The following PALLD variants were observed in gnomAD, a reference collection of about 807,000 sequenced individuals.
PALLD encodes the protein palladin.
Under a neutral mutation model 123.5 loss-of-function variants are expected in PALLD, and 61 were observed. That is an observed-to-expected ratio of 0.49 (90% CI 0.40 to 0.61). PALLD has a LOEUF of 0.61. Among genes scored for constraint, PALLD ranks in the 20% least tolerant of loss-of-function variants. The pLI is 0.00. For synonymous variants in PALLD, 465 were observed against 496.4 expected, an observed-to-expected ratio of 0.94 and a Z score of 0.84; for missense variants, 1,273 against 1,377.0, an observed-to-expected ratio of 0.92 and a Z score of 1.20.
intron 10 of PALLD, among the ~76,000 whole-genome samples, chr4:168,742,693 C>G (rs1241974962): frequency 2.0e-5 from 3 of 152,092 alleles, no homozygotes; most frequent in Non-Finnish European, 2.9e-5. Context: ...TTCAAAAGAT[C>G]TAGTTCGTTT....
intron 2 of PALLD, among the ~76,000 whole-genome samples, chr4:168,552,840 T>C (rs1766877942): frequency 1.3e-5 from 2 of 152,010 alleles, no homozygotes; most frequent in Non-Finnish European, 2.9e-5. Flanking sequence ...CATGACCGGC[T>C]AATTTTTTAA....
intron 10 of PALLD, among the ~76,000 whole-genome samples, chr4:168,880,283 G>A (rs1752431790): frequency 6.6e-6 from 1 of 152,176 alleles, no homozygotes; most frequent in Admixed American, 6.5e-5. Context: ...TACCACAAGA[G>A]TCCAGTCGTT....
At chr4:168,615,212 G>T (rs973100970) in intron 2 of PALLD, among the ~76,000 whole-genome samples, 3 of 150,526 alleles carry the variant, frequency 2.0e-5, no homozygotes, top group African/African-American at 4.9e-5. Flanking sequence ...TCATACAAAA[G>T]GTACTAAGAA....
intron 17 of PALLD, among the ~76,000 whole-genome samples, chr4:168,919,150 G>A (rs950344254): frequency 6.6e-6 from 1 of 152,010 alleles, no homozygotes; most frequent in Non-Finnish European, 1.5e-5. Flanking sequence ...TCCTTAAAAC[G>A]CCTGCCATTA....
intron 10 of PALLD, among the ~76,000 whole-genome samples, chr4:168,886,184 T>A (rs181054024): frequency 7.9e-5 from 12 of 152,326 alleles, no homozygotes; most frequent in Middle Eastern, 6.8e-3. Flanking sequence ...GCATAAAATC[T>A]TAATACATAG....
chr4:168,659,875 CTAAG>C (rs1778963942), intron 2 of PALLD, among the ~76,000 whole-genome samples: 1 of 152,138 alleles, frequency 6.6e-6, no homozygotes, highest in Non-Finnish European at 1.5e-5. Context: ...ATATTTCCTG[CTAAG>C]TGTTAGTATT....
At chr4:168,767,837 G>A (rs371319217) in intron 10 of PALLD, among the ~76,000 whole-genome samples, 4 of 152,160 alleles carry the variant, frequency 2.6e-5, no homozygotes, top group Middle Eastern at 3.4e-3. Context: ...ATGAGCCACC[G>A]TGCCCAGCCT....
At chr4:168,634,323 G>T (rs896599087) in intron 2 of PALLD, among the ~76,000 whole-genome samples, 1 of 152,222 alleles carries the variant, frequency 6.6e-6, no homozygotes, top group Non-Finnish European at 1.5e-5. Flanking sequence ...CTTCCCATTT[G>T]TTGGTCAGCC....
At chr4:168,657,071 C>G (rs1403658113) in intron 2 of PALLD, among the ~76,000 whole-genome samples, 2 of 152,172 alleles carry the variant, frequency 1.3e-5, no homozygotes, top group East Asian at 3.8e-4. Flanking sequence ...ATGTCACCAC[C>G]ATAGAGCCAG....
At chr4:168,845,700 TAG>T (rs1408448014) in intron 10 of PALLD, among the ~76,000 whole-genome samples, 1 of 152,196 alleles carries the variant, frequency 6.6e-6, no homozygotes, top group Admixed American at 6.5e-5. Context: ...GACAGGTTGT[TAG>T]AGTTTAAGAG....
chr4:168,902,339 G>T (rs1466000825), intron 14 of PALLD, among the ~76,000 whole-genome samples: 1 of 152,142 alleles, frequency 6.6e-6, no homozygotes, highest in African/African-American at 2.4e-5. Flanking sequence ...AAAAGGAAAG[G>T]TTTATTTGCT....
intron 2 of PALLD, among the ~76,000 whole-genome samples, chr4:168,570,569 CT>C (rs1768875948): frequency 1.3e-5 from 2 of 152,268 alleles, no homozygotes; most frequent in South Asian, 2.1e-4. Context: ...GCCAATTGCA[CT>C]TTTCCATGTT....
intron 15 of PALLD, chr4:168,904,202 A>G (rs1052665646): frequency 8.5e-6 from 3 of 352,520 alleles, no homozygotes; most frequent in Admixed American, 7.7e-5. Flanking sequence ...ACAAAGTCCT[A>G]TGGTAAAAAA....
chr4:168,769,802 G>A (rs114332899), intron 10 of PALLD, among the ~76,000 whole-genome samples: 3,962 of 152,274 alleles, frequency 0.026, 165 homozygotes, highest in African/African-American at 0.088. Flanking sequence ...TGAAATTTGT[G>A]TTTCCATTGA....
intron 2 of PALLD, among the ~76,000 whole-genome samples, chr4:168,554,664 G>A (rs879369504): frequency 4.6e-5 from 7 of 152,026 alleles, no homozygotes; most frequent in Non-Finnish European, 1.0e-4. Context: ...TTTTTGTTAT[G>A]GAGCAATTTG....
intron 10 of PALLD, among the ~76,000 whole-genome samples, chr4:168,782,980 G>A (rs1001315019): frequency 6.6e-6 from 1 of 151,260 alleles, no homozygotes; most frequent in Admixed American, 6.6e-5. Flanking sequence ...TTTGGACTAT[G>A]GACCATAGTT....
intron 2 of PALLD, among the ~76,000 whole-genome samples, chr4:168,627,270 A>G (rs1330972599): frequency 5.3e-5 from 8 of 152,138 alleles, no homozygotes; most frequent in Admixed American, 5.2e-4. Flanking sequence ...AGCACTTTGG[A>G]AGGCTGAGGC....
intron 10 of PALLD, among the ~76,000 whole-genome samples, chr4:168,787,415 T>C (rs899758197): frequency 6.6e-6 from 1 of 152,226 alleles, no homozygotes; most frequent in Non-Finnish European, 1.5e-5. Flanking sequence ...TTTCTTACAA[T>C]TGAGCATTTT....
At chr4:168,726,781 A>G (rs1009762029) in intron 10 of PALLD, among the ~76,000 whole-genome samples, 1 of 152,014 alleles carries the variant, frequency 6.6e-6, no homozygotes, top group Non-Finnish European at 1.5e-5. Flanking sequence ...TCTATTTTAG[A>G]TATAGGGGAT....
Sources: gnomAD v4.1 joint callset for allele counts (sites outside exome capture counted in the v4.1 genomes callset) on GRCh38, gnomAD v4.1.1 for gene constraint, MANE v1.5 for transcripts, NCBI Gene and HGNC (gene_info 2026-07-23, HGNC 2026-07-21) for gene names.